Variants in PDE1A observed in about 807,000 individuals in gnomAD.
PDE1A encodes the protein phosphodiesterase 1A.
Under a neutral mutation model 61.7 loss-of-function variants are expected in PDE1A, and 35 were observed. The ratio of observed to expected loss-of-function variants is 0.57; its 90% confidence interval spans 0.43 to 0.75. PDE1A has a LOEUF of 0.75. Ranked by LOEUF, PDE1A falls within the 30% of genes least tolerant of loss-of-function variation. PDE1A has a pLI of 0.00. For missense variants in PDE1A, 597 were observed against 630.6 expected, an observed-to-expected ratio of 0.95 and a Z score of 0.57; for synonymous variants, 232 against 213.2, an observed-to-expected ratio of 1.09 and a Z score of -0.77.
intron 1 of PDE1A, among the ~76,000 whole-genome samples, chr2:182,379,628 T>C (rs1435055304): frequency 6.6e-6 from 1 of 152,218 alleles, no homozygotes; most frequent in East Asian, 1.9e-4. Context: ...ACAAAATGTA[T>C]AGTAATATAA....
the PDE1A span, among the ~76,000 whole-genome samples, chr2:182,706,151 A>G: frequency 2.0e-5 from 3 of 152,228 alleles, no homozygotes; most frequent in Non-Finnish European, 4.4e-5. Flanking sequence ...AGATCTAGAC[A>G]CAGGGAAACA....
chr2:182,693,893 C>T, the PDE1A span, among the ~76,000 whole-genome samples: 1 of 152,212 alleles, frequency 6.6e-6, no homozygotes, highest in Non-Finnish European at 1.5e-5. Flanking sequence ...GTGATCCGCC[C>T]GCCTTAGGCT....
At chr2:182,628,376 A>G in the PDE1A span, among the ~76,000 whole-genome samples, 1 of 152,234 alleles carries the variant, frequency 6.6e-6, no homozygotes, top group African/African-American at 2.4e-5. Flanking sequence ...TTAATTTGGC[A>G]TATACCTCAT....
chr2:182,622,651 G>A, the PDE1A span, among the ~76,000 whole-genome samples: 1 of 152,106 alleles, frequency 6.6e-6, no homozygotes, highest in Non-Finnish European at 1.5e-5. Flanking sequence ...CTACATCCAA[G>A]CTGCCGATTA....
intron 1 of PDE1A, among the ~76,000 whole-genome samples, chr2:182,294,792 A>G (rs1027799951): frequency 6.6e-5 from 10 of 152,148 alleles, no homozygotes; most frequent in Non-Finnish European, 1.2e-4. Flanking sequence ...TCAAGCAGTT[A>G]ATAGTGGCAG....
the PDE1A span, among the ~76,000 whole-genome samples, chr2:182,530,992 G>A: frequency 5.9e-5 from 9 of 152,014 alleles, no homozygotes; most frequent in Admixed American, 2.0e-4. Flanking sequence ...AAATGGGAGA[G>A]AGTAAAGGGA....
At chr2:182,242,895 TCTCC>T (rs1490119156) in intron 2 of PDE1A, among the ~76,000 whole-genome samples, 6 of 71,784 alleles carry the variant, frequency 8.4e-5, no homozygotes, top group South Asian at 5.5e-4. Flanking sequence ...TCTCTCTCTC[TCTCC>T]CTCTCTCTCT....
intron 1 of PDE1A, among the ~76,000 whole-genome samples, chr2:182,299,577 T>C (rs959329213): frequency 6.6e-6 from 1 of 151,150 alleles, no homozygotes; most frequent in African/African-American, 2.4e-5. Flanking sequence ...AAAAACAGCC[T>C]AGAACATGGC....
intron 1 of PDE1A, among the ~76,000 whole-genome samples, chr2:182,327,205 T>G (rs569224834): frequency 6.6e-6 from 1 of 152,264 alleles, no homozygotes; most frequent in South Asian, 2.1e-4. Flanking sequence ...TGATGATCAA[T>G]GCTGTGGAAA....
chr2:182,517,527 C>A (rs1172845285), intron 2 of PDE1A, among the ~76,000 whole-genome samples: 3 of 152,150 alleles, frequency 2.0e-5, no homozygotes, highest in Non-Finnish European at 4.4e-5. Context: ...GTGCTGGAAT[C>A]CAAGAGCAAA....
the PDE1A span, among the ~76,000 whole-genome samples, chr2:182,529,356 T>C: frequency 2.6e-5 from 4 of 152,232 alleles, no homozygotes; most frequent in East Asian, 7.7e-4. Flanking sequence ...TGTAGCCCTT[T>C]TGTTTTGGCC....
At chr2:182,575,415 C>G in the PDE1A span, among the ~76,000 whole-genome samples, 1 of 151,778 alleles carries the variant, frequency 6.6e-6, no homozygotes, top group African/African-American at 2.4e-5. Flanking sequence ...CCAAAGTGTC[C>G]AGGTGGCAAT....
At chr2:182,647,944 G>A in the PDE1A span, among the ~76,000 whole-genome samples, 1 of 152,094 alleles carries the variant, frequency 6.6e-6, no homozygotes, top group Non-Finnish European at 1.5e-5. Context: ...AGGAAAGGAA[G>A]TGAGGTGAGT....
the PDE1A span, among the ~76,000 whole-genome samples, chr2:182,583,281 T>C: frequency 1.3e-5 from 2 of 152,116 alleles, no homozygotes; most frequent in African/African-American, 4.8e-5. Flanking sequence ...TCAAAGAAAA[T>C]TCAATAATTG....
the PDE1A span, among the ~76,000 whole-genome samples, chr2:182,695,882 G>A: frequency 2.0e-5 from 3 of 152,082 alleles, no homozygotes; most frequent in African/African-American, 7.2e-5. Flanking sequence ...CATGTCATAT[G>A]TCAATAAGGA....
chr2:182,454,178 A>G (rs1685731944), intron 2 of PDE1A, among the ~76,000 whole-genome samples: 1 of 152,210 alleles, frequency 6.6e-6, no homozygotes, highest in African/African-American at 2.4e-5. Flanking sequence ...ATTGCTTCGA[A>G]GAGAATAAAA....
intron 13 of PDE1A, among the ~76,000 whole-genome samples, chr2:182,181,285 T>C (rs1431082668): frequency 6.6e-6 from 1 of 152,200 alleles, no homozygotes; most frequent in African/African-American, 2.4e-5. Flanking sequence ...GGAGGTCTTT[T>C]TTGTTGATGC....
the PDE1A span, among the ~76,000 whole-genome samples, chr2:182,700,028 C>T: frequency 1.3e-5 from 2 of 152,174 alleles, no homozygotes; most frequent in African/African-American, 4.8e-5. Flanking sequence ...ATGGACAAGA[C>T]CTTATTCTCC....
intron 13 of PDE1A, among the ~76,000 whole-genome samples, chr2:182,162,054 C>A (rs1188052923): frequency 6.6e-6 from 1 of 152,128 alleles, no homozygotes; most frequent in Non-Finnish European, 1.5e-5. Flanking sequence ...AAAACCTACT[C>A]CCCCACACTG....
Sources: allele counts gnomAD v4.1 joint callset (sites outside exome capture counted in the v4.1 genomes callset), GRCh38; gene constraint gnomAD v4.1.1; transcripts MANE v1.5; gene names NCBI Gene and HGNC (gene_info 2026-07-23, HGNC 2026-07-21).